The following RARS1 variants were observed in gnomAD, a reference collection of about 807,000 sequenced individuals.
RARS1 encodes arginine--tRNA ligase, cytoplasmic.
Under a neutral mutation model 78.7 loss-of-function variants are expected in RARS1, and 75 were observed. The observed-to-expected ratio is 0.95, with a 90% confidence interval of 0.79 to 1.15. RARS1 has a LOEUF of 1.15. RARS1 is among the 50% of genes most tolerant of loss of function. The pLI is 0.00. For missense variants in RARS1, 787 were observed against 787.5 expected, an observed-to-expected ratio of 1.00 and a Z score of 0.01; for synonymous variants, 273 against 268.2, an observed-to-expected ratio of 1.02 and a Z score of -0.18.
rs560338457 is a variant in RARS1 at position 168,497,273 on chromosome 5, C to A, written c.747C>A (p.Ile249=). 1 of 1,590,128 alleles carries A rather than the reference C, an allele frequency of 6.3e-7. No individual in the cohort carries two copies. The highest frequency in any genetic ancestry group is 2.3e-5 in the East Asian group (1 of 44,210). Residue 249 remains isoleucine (I), a synonymous_variant, in exon 7 of 15, where the codon ATC becomes ATA. Coordinates refer to ENST00000231572, the MANE Select transcript of RARS1 (RefSeq NM_002887.4). ...GGGGGACCCAGTTTGGCATGCTCAT[C>A]GCTCACCTGCAAGACAAATTTCCAG... ...GDWGTQFGML[I]AHLQDKFPDY...
At chr5:168,495,178 G>C (rs1326554681) in intron 5 of RARS1, 137 bp from the exon 6 acceptor site, 4 of 1,385,168 alleles carry the variant, frequency 2.9e-6, no homozygotes, top group Non-Finnish European at 2.9e-6. Context: ...CCAAATTAAT[G>C]TTTAAGTCTG....
chr5:168,499,098 G>C (rs1758262243), intron 7 of RARS1, among the ~76,000 whole-genome samples: 2 of 152,094 alleles, frequency 1.3e-5, no homozygotes, highest in Non-Finnish European at 1.5e-5. Context: ...CAGGCAGATT[G>C]CTTGAGTCCA....
At position 168,494,624 on chromosome 5, in the gene RARS1, C is replaced by T; in HGVS notation, c.553C>T (p.Leu185=). ...LTSLLVNGVQ[L]PALGENKKVI... ...CAGTCTTCTAGTGAATGGAGTTCAACTACCTGCTCTGGGAGAGAATAAAAA... is the reference window on the plus strand; with the variant it reads ...CAGTCTTCTAGTGAATGGAGTTCAATTACCTGCTCTGGGAGAGAATAAAAA... Residue 185 remains leucine (L), a synonymous_variant, in exon 5 of 15, where the codon CTA becomes TTA. Transcript: ENST00000231572. 3.1e-6 allele frequency: 5 copies of T among 1,602,582 alleles called. No homozygotes were observed. The highest frequency in any genetic ancestry group is 4.3e-6 in the Non-Finnish European group (5 of 1,169,642).
At chr5:168,500,518 T>A (rs1234346645) in intron 7 of RARS1, 73 bp from the exon 8 acceptor site, 1 of 1,316,212 alleles carries the variant, frequency 7.6e-7, no homozygotes, top group Admixed American at 3.8e-5. Context: ...TAGAAATGTG[T>A]AAGTTCTTTT....
Position 168,497,264 on chromosome 5 carries a change from C to G in RARS1, c.738C>G (p.Gly246=). The change falls in exon 7 of 15, where the codon GGC becomes GGG. Residue 246 remains glycine, a synonymous_variant. Transcript: ENST00000231572. ...NHVGDWGTQF[G]MLIAHLQDKF... is the part of the protein sequence containing the mutation. ...TAGGAGACTGGGGGACCCAGTTTGG[C>G]ATGCTCATCGCTCACCTGCAAGACA... 6.3e-7 allele frequency: 1 copy of G among 1,588,276 alleles called. No individual in the cohort carries two copies.
At chr5:168,510,779 T>A in intron 12 of RARS1, 93 bp downstream of exon 12, 2 of 831,396 alleles carry the variant, frequency 2.4e-6, no homozygotes, top group South Asian at 3.7e-5. Flanking sequence ...GTGTGAGGAG[T>A]CAGTCCCACC....
chr5:168,503,881 C>G (rs2161173), intron 9 of RARS1, among the ~76,000 whole-genome samples: 22,708 of 150,316 alleles, frequency 0.15, 1,931 homozygotes, highest in Non-Finnish European at 0.19. Context: ...GGTCAGTCTG[C>G]GCAACATAGC....
At position 168,506,747 on chromosome 5, in the gene RARS1, C is replaced by T; in HGVS notation, c.1262C>T (p.Ala421Val). The T allele has an allele frequency of 1.2e-6, 2 of 1,613,404 alleles. No individual in the cohort carries two copies. Among genetic ancestry groups the T allele is most frequent in the East Asian group, 2.2e-5 (1 of 44,842 alleles). ...TCTGTGCACTTCCAGACAATATTTG[C>T]TGCTGCTCAAATGATTGGTTGGTAT... The part of the protein sequence containing the change: ...GQSVHFQTIF[A>V]AAQMIGWYDP... The change falls in exon 11 of 15, where the codon GCT (alanine) becomes GTT (valine). Residue 421 changes from alanine (A) to valine (V), a missense_variant. Physicochemically the swap from Ala to Val is moderately conservative, Grantham distance 64. Transcript: ENST00000231572.
intron 6 of RARS1, among the ~76,000 whole-genome samples, chr5:168,495,994 T>C (rs926323770): frequency 1.3e-5 from 2 of 152,090 alleles, no homozygotes; most frequent in Admixed American, 1.3e-4. Flanking sequence ...ATTTTTTATA[T>C]TTTTAAAGAA....
At position 168,506,668 on chromosome 5, in the gene RARS1, CT is replaced by C. The variant is rs34318878; in HGVS notation, c.1237-43del. 65,298 of 1,006,524 alleles carry C rather than the reference CT, an allele frequency of 0.065. 33 individuals are homozygous for C. The highest frequency in any genetic ancestry group is 0.11 in the East Asian group (2,932 of 26,522). 62.3% of individuals were successfully genotyped at this position (1,006,524 alleles called of 1,614,324 possible). A position where few individuals can be genotyped will look rare whatever the true frequency, so the allele number is the denominator to read the frequency against. On this transcript the variant is annotated intron_variant, in intron 10 of 14. Transcript: ENST00000231572. ...ATTCCTAAGCAAAAGAGCCTTAAGT[CT>C]TTTTTTTTTTCTTTAAAGAAGACTA...
rs192677481 is a variant in RARS1, at chr5:168,486,477, C to T, written c.-22C>T. The T allele has an allele frequency of 1.7e-4, 271 of 1,554,902 alleles. 2 individuals carry two copies. In the East Asian group the frequency reaches 3.8e-3, roughly 22 times the overall value. ...ACCGTTTCCGCTTCCGTCCACTTGG[C>T]GAGTGAGACGCTGATGGGAGGATGG... On this transcript the variant is annotated 5_prime_UTR_variant, in exon 1 of 15. Transcript: ENST00000231572.
rs762984763 is a variant in RARS1, at chr5:168,502,096, G to C, written c.1048G>C (p.Glu350Gln). 3 of 1,600,588 alleles carry C rather than the reference G, an allele frequency of 1.9e-6. No homozygotes were observed. Among genetic ancestry groups the C allele is most frequent in the Non-Finnish European group, 1.7e-6 (2 of 1,174,640 alleles). Reference protein sequence around the residue: ...DRMNDIVKEFEDRGFVQVDDG... With the variant: ...DRMNDIVKEFQDRGFVQVDDG... Reference sequence around the variant, plus strand: ...GATGAATGATATTGTAAAGGAATTTGAAGATAGAGGTAGGCACTCTTCTTT... The same window carrying C: ...GATGAATGATATTGTAAAGGAATTTCAAGATAGAGGTAGGCACTCTTCTTT... The change falls in exon 9 of 15, where the codon GAA becomes CAA. Residue 350 changes from glutamate (E) to glutamine (Q), a missense_variant. Physicochemically the swap from Glu to Gln is conservative, Grantham distance 29. Transcript: ENST00000231572.
intron 13 of RARS1, 119 bp from the exon 14 acceptor site, chr5:168,517,695 TA>T: frequency 7.6e-7 from 1 of 1,315,060 alleles, no homozygotes. Context: ...TATCGTATAA[TA>T]AAATACTTCA....
chr5:168,505,929 A>G, intron 9 of RARS1, 92 bp from the exon 10 acceptor site: 1 of 1,052,350 alleles, frequency 9.5e-7, no homozygotes, highest in Non-Finnish European at 1.4e-6. Flanking sequence ...TATTCTTAGA[A>G]TAACTAAATA....
At chr5:168,494,702 C>A in intron 5 of RARS1, 52 bp downstream of exon 5, 1 of 1,269,928 alleles carries the variant, frequency 7.9e-7, no homozygotes, top group Non-Finnish European at 1.1e-6. Context: ...CTGCGTGGAA[C>A]CAAGCATGGT....
At position 168,494,543 on chromosome 5, in the gene RARS1, CCATT is replaced by C; in HGVS notation, c.479-6_479-3del. 6.2e-7 allele frequency: 1 copy of C among 1,605,064 alleles called. No individual in the cohort carries two copies. The highest frequency in any genetic ancestry group is 1.1e-5 in the South Asian group (1 of 90,874). ...GTATCTGATATTTTTTCTCTTCTAT[CCATT>C]AGGTTTTATTAATGTCCACTTAAGA... On this transcript the variant is annotated splice_region_variant and splice_polypyrimidine_tract_variant and intron_variant, in intron 4 of 14. Coordinates refer to ENST00000231572, the MANE Select transcript of RARS1 (RefSeq NM_002887.4).
chr5:168,499,032 T>C (rs1316929475), intron 7 of RARS1, among the ~76,000 whole-genome samples: 2 of 152,056 alleles, frequency 1.3e-5, no homozygotes, highest in African/African-American at 4.8e-5. Context: ...AAAATTTCCT[T>C]ATGGGCTGGG....
chr5:168,495,958 G>C (rs1368392142), intron 6 of RARS1, among the ~76,000 whole-genome samples: 1 of 152,160 alleles, frequency 6.6e-6, no homozygotes, highest in East Asian at 1.9e-4. Context: ...AGGCCAGCTT[G>C]GGCAACATAG....
Position 168,516,765 on chromosome 5 carries a change from GTTT to G in RARS1, c.1453-10_1453-8del. On this transcript the variant is annotated splice_polypyrimidine_tract_variant and intron_variant, in intron 12 of 14. Coordinates refer to ENST00000231572, the MANE Select transcript of RARS1 (RefSeq NM_002887.4). ...TCAGTAAGCTATGAAATACTGTTTT[GTTT>G]TTCCCAAAGGTCTTAACTGCAGAGG... 6.2e-7 allele frequency: 1 copy of G among 1,613,400 alleles called. No homozygotes were observed.
Sources: allele counts gnomAD v4.1 joint callset (sites outside exome capture counted in the v4.1 genomes callset), GRCh38; gene constraint gnomAD v4.1.1; transcripts MANE v1.5; gene names NCBI Gene and HGNC (gene_info 2026-07-23, HGNC 2026-07-21).